Variants in ANKRD29 observed in about 807,000 individuals in gnomAD.
ANKRD29 encodes the protein ankyrin repeat domain 29, also known as ankyrin repeat domain-containing protein 29.
ANKRD29 carries 32 observed loss-of-function variants against 38.0 expected under a neutral mutation model. The ratio of observed to expected loss-of-function variants is 0.84; its 90% CI spans 0.64 to 1.13. The LOEUF is 1.13. ANKRD29 is among the 50% of genes most tolerant of loss of function. The pLI is 0.00. For synonymous variants in ANKRD29, 135 were observed against 152.4 expected, an observed-to-expected ratio of 0.89 and a Z score of 0.84; for missense variants, 357 against 377.9, an observed-to-expected ratio of 0.94 and a Z score of 0.46.
In ANKRD29 at chr18:23,638,921, G is replaced by A. The variant is rs1016815054; in HGVS notation, c.258C>T (p.Ala86=). 1.1e-5 allele frequency: 18 copies of A among 1,612,500 alleles called. No homozygotes were observed. The highest frequency in any genetic ancestry group is 3.3e-5 in the South Asian group (3 of 90,684). The change falls in exon 4 of 10, where the codon GCC becomes GCT. Residue 86 remains alanine (A), a synonymous_variant. Coordinates refer to ENST00000592179, the MANE Select transcript of ANKRD29 (RefSeq NM_173505.4). The part of the protein sequence containing the change: ...RESGTTALFF[A]AQQGHNDVVR... Reference sequence around the variant, plus strand: ...CGACATCATTATGGCCTTGCTGGGCGGCAAAGAATAGGGCAGTTGTACCTG... The same window carrying A: ...CGACATCATTATGGCCTTGCTGGGCAGCAAAGAATAGGGCAGTTGTACCTG...
At position 23,648,199 on chromosome 18, in the gene ANKRD29, A is replaced by G. The variant is rs367862003; in HGVS notation, c.132+884T>C. On this transcript the variant is annotated intron_variant, in intron 2 of 9. Transcript: ENST00000592179. Reference sequence around the variant, plus strand: ...AAGCGAGTCTGCTGGAGCAGTACATACAATTCAGACTGTGGGACTAAGAGC... The same window carrying G: ...AAGCGAGTCTGCTGGAGCAGTACATGCAATTCAGACTGTGGGACTAAGAGC... Among the ~76,000 whole-genome samples the G allele has an allele frequency of 2.6e-5, 4 of 152,328 alleles. No homozygotes were observed. In the East Asian group the frequency reaches 7.7e-4, roughly 29 times the overall value.
intron 6 of ANKRD29, among the ~76,000 whole-genome samples, chr18:23,626,201 G>C (rs1319330403): frequency 2.0e-5 from 3 of 152,092 alleles, no homozygotes; most frequent in Non-Finnish European, 4.4e-5. Flanking sequence ...TAATTTCTGG[G>C]TCCAGCTACT....
rs397702856 is a variant in ANKRD29 at position 23,616,550 on chromosome 18, G to GTATATA, written c.723+1176_723+1181dup. Among the ~76,000 whole-genome samples the GTATATA allele has an allele frequency of 2.1e-3, 284 of 134,146 alleles. 2 individuals carry two copies. Among genetic ancestry groups the GTATATA allele is most frequent in the African/African-American group, 6.5e-3 (227 of 35,118 alleles). 88.0% of individuals were successfully genotyped at this position (134,146 alleles called of 152,430 possible). On this transcript the variant is annotated intron_variant, in intron 8 of 9. Transcript: ENST00000592179. ...TGTAAATTTATACTATATATATATA[G>GTATATA]TATATATATATATACACTATATATA...
intron 6 of ANKRD29, among the ~76,000 whole-genome samples, chr18:23,620,406 A>T (rs965937060): frequency 6.6e-6 from 1 of 152,168 alleles, no homozygotes; most frequent in African/African-American, 2.4e-5. Flanking sequence ...AGGTGGAGAT[A>T]TATTGCTTCA....
At chr18:23,629,038 G>A (rs2059896414) in intron 6 of ANKRD29, among the ~76,000 whole-genome samples, 1 of 152,232 alleles carries the variant, frequency 6.6e-6, no homozygotes, top group Non-Finnish European at 1.5e-5. Flanking sequence ...AGACTGGAGT[G>A]CAGAGGCGCG....
At chr18:23,640,807 C>T (rs2060063938) in intron 3 of ANKRD29, among the ~76,000 whole-genome samples, 1 of 152,174 alleles carries the variant, frequency 6.6e-6, no homozygotes, top group Non-Finnish European at 1.5e-5. Context: ...AATACCACAC[C>T]TTACCAGACA....
chr18:23,622,430 C>G (rs1310795190), intron 6 of ANKRD29, among the ~76,000 whole-genome samples: 1 of 152,126 alleles, frequency 6.6e-6, no homozygotes, highest in East Asian at 1.9e-4. Flanking sequence ...AGAGGGCGGG[C>G]AGGGAGAGGC....
At chr18:23,614,661 C>G (rs1351424734) in intron 8 of ANKRD29, among the ~76,000 whole-genome samples, 1 of 146,974 alleles carries the variant, frequency 6.8e-6, no homozygotes, top group Admixed American at 6.8e-5. Context: ...TAGCGAGACC[C>G]TGTCTCCAAA....
intron 3 of ANKRD29, among the ~76,000 whole-genome samples, chr18:23,644,538 T>C (rs2060115398): frequency 6.6e-6 from 1 of 152,212 alleles, no homozygotes; most frequent in Admixed American, 6.5e-5. Flanking sequence ...AAGAATCTGT[T>C]TGTGAGAAGA....
chr18:23,631,322 C>T (rs1298594072), intron 5 of ANKRD29, among the ~76,000 whole-genome samples: 2 of 151,648 alleles, frequency 1.3e-5, no homozygotes, highest in Admixed American at 6.6e-5. Context: ...CTCAATGCAG[C>T]GTCAACTTCC....
chr18:23,616,588 ATATATACTATATATAC>A (rs1171919032), intron 8 of ANKRD29, among the ~76,000 whole-genome samples: 11 of 142,238 alleles, frequency 7.7e-5, no homozygotes, highest in African/African-American at 2.9e-4. Context: ...GTATATATAT[ATATATACTATATATAC>A]TATATATATA....
chr18:23,655,468 G>A (rs561886451), intron 1 of ANKRD29, among the ~76,000 whole-genome samples: 69 of 151,550 alleles, frequency 4.6e-4, no homozygotes, highest in African/African-American at 1.6e-3. Context: ...TTTTTGAGAC[G>A]GAGTCTCACT....
intron 8 of ANKRD29, among the ~76,000 whole-genome samples, chr18:23,612,463 T>C (rs2059655961): frequency 6.6e-6 from 1 of 152,192 alleles, no homozygotes; most frequent in Non-Finnish European, 1.5e-5. Context: ...ACTCAGTCTG[T>C]TTTACATACT....
In ANKRD29 at chr18:23,633,618, T is replaced by C. The variant is rs576955854; in HGVS notation, c.429+433A>G. 9.2e-5 allele frequency among the ~76,000 whole-genome samples: 14 copies of C among 152,312 alleles called. No homozygotes were observed. The East Asian group carries it at 2.7e-3, about 29-fold the overall frequency. Reference sequence around the variant, plus strand: ...CAGAGTCTCACTATGTCACCCAGGCTGGAGTGCAATGGTGTGATCTCAGCT... The same window carrying C: ...CAGAGTCTCACTATGTCACCCAGGCCGGAGTGCAATGGTGTGATCTCAGCT... On this transcript the variant is annotated intron_variant, in intron 5 of 9. Coordinates refer to ENST00000592179, the MANE Select transcript of ANKRD29 (RefSeq NM_173505.4).
At position 23,642,397 on chromosome 18, in the gene ANKRD29, C is replaced by T. The variant is rs111715163; in HGVS notation, c.232-3450G>A. On this transcript the variant is annotated intron_variant, in intron 3 of 9. Coordinates refer to ENST00000592179, the MANE Select transcript of ANKRD29 (RefSeq NM_173505.4). ...TGGTGCCTGCAGCGGAAGCCACTTG[C>T]GGTACATCTGGTCCAGCCACAGCCT... Among the ~76,000 whole-genome samples, 593 of 152,230 alleles carry T rather than the reference C, an allele frequency of 3.9e-3. 5 individuals are homozygous for T. The highest frequency in any genetic ancestry group is 0.014 in the African/African-American group (564 of 41,562).
intron 1 of ANKRD29, among the ~76,000 whole-genome samples, chr18:23,658,249 A>T (rs1304510473): frequency 6.6e-6 from 1 of 152,166 alleles, no homozygotes; most frequent in Non-Finnish European, 1.5e-5. Flanking sequence ...TCTACAAAAA[A>T]TAAAAAATAT....
chr18:23,636,587 T>A (rs201861154), intron 4 of ANKRD29, among the ~76,000 whole-genome samples: 95 of 151,386 alleles, frequency 6.3e-4, no homozygotes, highest in East Asian at 5.9e-3. Context: ...ATTAAAAAAA[T>A]TTTTTTTAGA....
intron 8 of ANKRD29, among the ~76,000 whole-genome samples, chr18:23,616,156 A>ATGTATGTATACTCTATACATAC (rs2059714095): frequency 1.3e-5 from 2 of 149,888 alleles, no homozygotes; most frequent in African/African-American, 2.4e-5. Context: ...CACATACTGT[A>ATGTATGTATACTCTATACATAC]TGTATGTATA....
chr18:23,660,621 C>T (rs1028583470), intron 1 of ANKRD29, among the ~76,000 whole-genome samples: 15 of 152,308 alleles, frequency 9.8e-5, no homozygotes, highest in Admixed American at 2.0e-4. Flanking sequence ...GGCTGGCCAA[C>T]ATGGCGAAAC....
Sources: allele counts gnomAD v4.1 joint callset (sites outside exome capture counted in the v4.1 genomes callset), GRCh38; gene constraint gnomAD v4.1.1; transcripts MANE v1.5; gene names NCBI Gene and HGNC (gene_info 2026-07-23, HGNC 2026-07-21).